Variants in CSMD1 observed in about 807,000 individuals in gnomAD.
CSMD1 encodes the protein CUB and sushi domain-containing protein 1.
In CSMD1, 213 loss-of-function variants were observed where a neutral mutation model predicts 417.5. That is an observed-to-expected ratio of 0.51 (90% CI 0.46 to 0.57). CSMD1 has a LOEUF of 0.57. Among genes scored for constraint, CSMD1 ranks in the 20% least tolerant of loss-of-function variants. The pLI is 0.00. For missense variants in CSMD1, 6,923 were observed against 4,529.7 expected (o/e 1.53, Z -15.17); for synonymous variants, 2,862 against 1,736.8 (o/e 1.65, Z -16.11).
chr8:4,013,898 T>G (rs1032620928), intron 4 of CSMD1, among the ~76,000 whole-genome samples: 2 of 152,128 alleles, frequency 1.3e-5, no homozygotes, highest in African/African-American at 4.8e-5. Flanking sequence ...AACAAAATAT[T>G]TGCTATCTGG....
At chr8:3,600,245 G>A (rs1209485879) in intron 8 of CSMD1, among the ~76,000 whole-genome samples, 1 of 152,108 alleles carries the variant, frequency 6.6e-6, no homozygotes, top group Non-Finnish European at 1.5e-5. Context: ...CTCCCCATTA[G>A]TATAAATAGG....
At chr8:4,271,110 T>C (rs1016746776) in intron 3 of CSMD1, among the ~76,000 whole-genome samples, 12 of 152,212 alleles carry the variant, frequency 7.9e-5, no homozygotes, top group Non-Finnish European at 1.6e-4. Flanking sequence ...CCTTTTATTA[T>C]TTCCTCATTC....
intron 1 of CSMD1, among the ~76,000 whole-genome samples, chr8:4,711,263 C>T (rs1319884871): frequency 6.6e-6 from 1 of 151,840 alleles, no homozygotes; most frequent in Non-Finnish European, 1.5e-5. Context: ...AATCATCACA[C>T]TTATAAAAGA....
At chr8:3,985,194 G>C (rs2627435) in intron 5 of CSMD1, among the ~76,000 whole-genome samples, 38,852 of 151,888 alleles carry the variant, frequency 0.26, 5,030 homozygotes, top group Non-Finnish European at 0.29. Context: ...ACAGTTTGTG[G>C]TAAACTAGAA....
chr8:4,400,564 T>C (rs888433158), intron 3 of CSMD1, among the ~76,000 whole-genome samples: 15 of 152,236 alleles, frequency 9.9e-5, no homozygotes, highest in Non-Finnish European at 1.8e-4. Flanking sequence ...GCCAGCCACA[T>C]CAGCCATTAC....
At chr8:4,131,763 T>TG in intron 3 of CSMD1, among the ~76,000 whole-genome samples, 1 of 136,898 alleles carries the variant, frequency 7.3e-6, no homozygotes, top group East Asian at 2.1e-4. Context: ...TGACTTTTTT[T>TG]TTTTTTTTTT....
chr8:3,350,244 G>A (rs996502284), intron 21 of CSMD1, among the ~76,000 whole-genome samples: 4 of 135,036 alleles, frequency 3.0e-5, no homozygotes, highest in African/African-American at 5.3e-5. Flanking sequence ...TTGTGTATGT[G>A]TGTGTTATAA....
chr8:4,610,265 C>T (rs1266183443), intron 2 of CSMD1, among the ~76,000 whole-genome samples: 2 of 152,084 alleles, frequency 1.3e-5, no homozygotes, highest in African/African-American at 2.4e-5. Flanking sequence ...GTGGGAAGTT[C>T]GTGAAACTGA....
chr8:4,883,880 T>G (rs891342201), intron 1 of CSMD1, among the ~76,000 whole-genome samples: 2 of 152,062 alleles, frequency 1.3e-5, no homozygotes, highest in African/African-American at 2.4e-5. Context: ...TATGGTAACT[T>G]TATGTCTAAC....
intron 52 of CSMD1, among the ~76,000 whole-genome samples, chr8:3,003,610 T>C: frequency 6.6e-6 from 1 of 152,302 alleles, no homozygotes; most frequent in Middle Eastern, 3.4e-3. Context: ...TTGTTGTGGG[T>C]TGCAATGTTC....
chr8:3,596,489 C>T (rs1429437157), intron 8 of CSMD1, among the ~76,000 whole-genome samples: 1 of 152,160 alleles, frequency 6.6e-6, no homozygotes, highest in Non-Finnish European at 1.5e-5. Flanking sequence ...TCATGGGATG[C>T]TGGATTCAAA....
intron 3 of CSMD1, among the ~76,000 whole-genome samples, chr8:4,217,992 A>C (rs2068242): frequency 0.1 from 15,777 of 152,140 alleles, 1,769 homozygotes; most frequent in African/African-American, 0.26. Flanking sequence ...AGTGAAGAAG[A>C]AATATCCAAC....
chr8:3,262,231 A>ATATATATATATATAT (rs1801134855), intron 26 of CSMD1, among the ~76,000 whole-genome samples: 6 of 89,906 alleles, frequency 6.7e-5, no homozygotes, highest in African/African-American at 2.7e-4. Context: ...ATATATATAT[A>ATATATATATATATAT]CACACACATA....
intron 8 of CSMD1, among the ~76,000 whole-genome samples, chr8:3,589,429 A>T (rs1800749105): frequency 1.3e-5 from 2 of 151,794 alleles, no homozygotes; most frequent in Non-Finnish European, 2.9e-5. Context: ...TACACAATGG[A>T]ATACTATTCA....
intron 1 of CSMD1, among the ~76,000 whole-genome samples, chr8:4,683,195 G>A (rs1280787843): frequency 6.6e-6 from 1 of 151,850 alleles, no homozygotes; most frequent in Non-Finnish European, 1.5e-5. Context: ...AGGGTAATAT[G>A]TTCATGAAAC....
intron 2 of CSMD1, among the ~76,000 whole-genome samples, chr8:4,531,972 A>T (rs1457327224): frequency 3.4e-5 from 3 of 87,818 alleles, no homozygotes; most frequent in Non-Finnish European, 9.7e-5. Flanking sequence ...ACCTCCATTC[A>T]GTCACTCCGA....
At chr8:2,979,198 AC>A (rs139326074) in intron 54 of CSMD1, among the ~76,000 whole-genome samples, 2,728 of 152,302 alleles carry the variant, frequency 0.018, 73 homozygotes, top group African/African-American at 0.06. Flanking sequence ...CCAGTTAATT[AC>A]CCCCCAACAC....
intron 25 of CSMD1, among the ~76,000 whole-genome samples, chr8:3,305,589 C>A (rs781569323): frequency 1.3e-5 from 2 of 152,158 alleles, no homozygotes; most frequent in Non-Finnish European, 2.9e-5. Context: ...GTGATGCTCT[C>A]ACCATGTGGA....
At chr8:3,527,852 G>C (rs373457751) in intron 10 of CSMD1, among the ~76,000 whole-genome samples, 14 of 152,188 alleles carry the variant, frequency 9.2e-5, no homozygotes, top group Admixed American at 6.5e-5. Flanking sequence ...TTAACAGAGA[G>C]ATACATTTAG....
Sources: allele counts gnomAD v4.1 joint callset (sites outside exome capture counted in the v4.1 genomes callset), GRCh38; gene constraint gnomAD v4.1.1; transcripts MANE v1.5; gene names NCBI Gene and HGNC (gene_info 2026-07-23, HGNC 2026-07-21).